Variants in CTNNA2 observed in about 807,000 individuals in gnomAD.
CTNNA2 encodes catenin alpha 2.
CTNNA2 carries 42 observed loss-of-function variants against 101.0 expected under a neutral mutation model. The observed-to-expected ratio is 0.42, with a 90% CI of 0.32 to 0.54. CTNNA2 has a LOEUF of 0.54. Among genes scored for constraint, CTNNA2 ranks in the 20% least tolerant of loss-of-function variants. CTNNA2 has a pLI of 0.14. For missense variants in CTNNA2, 871 were observed against 1,223.1 expected (o/e 0.71, Z 4.29); for synonymous variants, 450 against 456.4 (o/e 0.99, Z 0.18).
chr2:80,066,300 A>G (rs13429822), intron 7 of CTNNA2, among the ~76,000 whole-genome samples: 9,055 of 152,304 alleles, frequency 0.059, 389 homozygotes, highest in Non-Finnish European at 0.096. Context: ...ATGCGAGGAA[A>G]TATTTTCAAA....
chr2:79,402,219 T>A (rs1351069174), intron 4 of CTNNA2, among the ~76,000 whole-genome samples: 1 of 151,866 alleles, frequency 6.6e-6, no homozygotes, highest in African/African-American at 2.4e-5. Context: ...GAGAACTCAG[T>A]ACTTCACTTT....
chr2:79,933,515 C>T (rs1423820129), intron 7 of CTNNA2, among the ~76,000 whole-genome samples: 2 of 151,110 alleles, frequency 1.3e-5, no homozygotes, highest in East Asian at 3.9e-4. Flanking sequence ...AGTACAATGG[C>T]AAGATCTCGG....
intron 3 of CTNNA2, among the ~76,000 whole-genome samples, chr2:79,791,729 A>G (rs116353148): frequency 0.037 from 5,572 of 152,304 alleles, 128 homozygotes; most frequent in Middle Eastern, 0.11. Flanking sequence ...ACAAAGACCA[A>G]GCCCATGGCT....
chr2:80,323,717 T>G (rs1213818487), intron 7 of CTNNA2, among the ~76,000 whole-genome samples: 1 of 152,160 alleles, frequency 6.6e-6, no homozygotes, highest in African/African-American at 2.4e-5. Context: ...TCCATATGTA[T>G]TTTTAGCACC....
intron 1 of CTNNA2, among the ~76,000 whole-genome samples, chr2:79,546,832 C>A (rs1673761758): frequency 6.6e-6 from 1 of 152,174 alleles, no homozygotes; most frequent in South Asian, 2.1e-4. Context: ...GTTCTCCCTA[C>A]AATAGCATTT....
intron 9 of CTNNA2, among the ~76,000 whole-genome samples, chr2:80,519,577 C>G (rs551920991): frequency 6.6e-6 from 1 of 152,350 alleles, no homozygotes; most frequent in South Asian, 2.1e-4. Context: ...GGGCACAGCT[C>G]TGAGCAATAG....
At chr2:79,819,893 C>A (rs2974174) in intron 3 of CTNNA2, among the ~76,000 whole-genome samples, 4 of 151,232 alleles carry the variant, frequency 2.6e-5, no homozygotes, top group African/African-American at 7.3e-5. Flanking sequence ...TCACATGTAC[C>A]CTATAAATAT....
Position 79,429,249 on chromosome 2 carries a change from T to A in CTNNA2, c.-135+55236T>A, listed in dbSNP as rs182119152. On this transcript the variant is annotated intron_variant, in intron 4 of 21. Coordinates refer to the CTNNA2 transcript ENST00000466387. ...ATAATGGGCTCGTGAACTTTTTTTT[T>A]AATCTTGAAATTTTCTGTGGAGCCT... Among the ~76,000 whole-genome samples the A allele has an allele frequency of 1.5e-3, 232 of 152,258 alleles. 2 individuals carry two copies. The highest frequency in any genetic ancestry group is 5.4e-3 in the African/African-American group (225 of 41,564).
At chr2:79,648,074 G>T (rs1053608352) in intron 1 of CTNNA2, among the ~76,000 whole-genome samples, 1 of 152,210 alleles carries the variant, frequency 6.6e-6, no homozygotes, top group African/African-American at 2.4e-5. Context: ...TGGAGGTGAG[G>T]ATGGGAAGGA....
chr2:80,550,331 T>A (rs1353012293), intron 11 of CTNNA2, among the ~76,000 whole-genome samples: 2 of 152,202 alleles, frequency 1.3e-5, no homozygotes, highest in Non-Finnish European at 2.9e-5. Context: ...GGGGGTTTCC[T>A]TGATGTTGAT....
intron 7 of CTNNA2, among the ~76,000 whole-genome samples, chr2:80,116,665 G>A (rs546204067): frequency 6.6e-6 from 1 of 152,290 alleles, no homozygotes; most frequent in South Asian, 2.1e-4. Flanking sequence ...AATGTGTTTA[G>A]ATATTTTAGG....
intron 4 of CTNNA2, among the ~76,000 whole-genome samples, chr2:79,443,296 A>T (rs1678796482): frequency 6.6e-6 from 1 of 152,134 alleles, no homozygotes; most frequent in African/African-American, 2.4e-5. Flanking sequence ...TGTGAGTCCT[A>T]GTCCAAGTCC....
At chr2:80,604,390 T>C (rs1338740653) in intron 16 of CTNNA2, among the ~76,000 whole-genome samples, 1 of 152,016 alleles carries the variant, frequency 6.6e-6, no homozygotes, top group East Asian at 1.9e-4. Flanking sequence ...CTAAGGCTTC[T>C]GACCAAAATT....
chr2:80,560,971 T>A (rs1693536113), intron 12 of CTNNA2, among the ~76,000 whole-genome samples: 1 of 151,970 alleles, frequency 6.6e-6, no homozygotes, highest in Non-Finnish European at 1.5e-5. Context: ...AAAATATGTC[T>A]ACCAGCAGCC....
chr2:79,524,106 C>A (rs1262845273), intron 1 of CTNNA2, among the ~76,000 whole-genome samples: 2 of 151,930 alleles, frequency 1.3e-5, no homozygotes, highest in Non-Finnish European at 2.9e-5. Flanking sequence ...ATATGATAAT[C>A]AGGTTATCAA....
At chr2:80,154,115 A>G (rs1350633882) in intron 7 of CTNNA2, among the ~76,000 whole-genome samples, 1 of 152,234 alleles carries the variant, frequency 6.6e-6, no homozygotes, top group Non-Finnish European at 1.5e-5. Flanking sequence ...ATTAGCTATG[A>G]CCTGAAATTT....
intron 7 of CTNNA2, among the ~76,000 whole-genome samples, chr2:80,333,651 G>A (rs1409287607): frequency 1.3e-5 from 2 of 152,094 alleles, no homozygotes; most frequent in African/African-American, 2.4e-5. Flanking sequence ...AGGTGGTGGG[G>A]GGGATGGAGT....
chr2:80,279,395 C>T (rs1319158044), intron 7 of CTNNA2, among the ~76,000 whole-genome samples: 1 of 152,158 alleles, frequency 6.6e-6, no homozygotes, highest in African/African-American at 2.4e-5. Flanking sequence ...GGCCTGGACA[C>T]AGCGTCTAGT....
At chr2:79,416,151 G>T (rs184856719) in intron 4 of CTNNA2, among the ~76,000 whole-genome samples, 4 of 151,200 alleles carry the variant, frequency 2.6e-5, no homozygotes, top group African/African-American at 9.7e-5. Context: ...CTTCCTCAAT[G>T]TACTGACTTT....
Sources: gnomAD v4.1 joint callset for allele counts (sites outside exome capture counted in the v4.1 genomes callset) on GRCh38, gnomAD v4.1.1 for gene constraint, MANE v1.5 for transcripts, NCBI Gene and HGNC (gene_info 2026-07-23, HGNC 2026-07-21) for gene names.